The following RORB variants were observed in gnomAD, a reference collection of about 807,000 sequenced individuals.
RORB encodes RAR related orphan receptor B.
Under a neutral mutation model 59.1 loss-of-function variants are expected in RORB, and 6 were observed. The observed-to-expected ratio is 0.10, with a 90% CI of 0.06 to 0.20. The LOEUF is 0.20. Ranked by LOEUF, RORB falls within the 10% of genes least tolerant of loss-of-function variation. RORB has a pLI of 1.00. For synonymous variants in RORB, 215 were observed against 204.5 expected (o/e 1.05, Z -0.44); for missense variants, 320 against 560.5 (o/e 0.57, Z 4.33).
At chr9:74,537,370 A>AT (rs1023178816) in intron 1 of RORB, among the ~76,000 whole-genome samples, 15 of 151,778 alleles carry the variant, frequency 9.9e-5, no homozygotes, top group Non-Finnish European at 1.6e-4. Flanking sequence ...TAAACTTTTT[A>AT]TTTTTTTCTC....
intron 3 of RORB, among the ~76,000 whole-genome samples, 187 bp downstream of exon 3, chr9:74,634,959 T>G (rs2118434408): frequency 6.6e-6 from 1 of 152,214 alleles, no homozygotes; most frequent in Middle Eastern, 3.4e-3. Context: ...GCCTATGAAA[T>G]AAGAAAGCAA....
At chr9:74,558,608 T>C (rs907540038) in intron 1 of RORB, among the ~76,000 whole-genome samples, 14 of 152,246 alleles carry the variant, frequency 9.2e-5, no homozygotes, top group African/African-American at 3.1e-4. Flanking sequence ...TTTCAGAATT[T>C]CCAGTGTATT....
intron 4 of RORB, among the ~76,000 whole-genome samples, chr9:74,646,239 A>G (rs540899727): frequency 4.6e-5 from 7 of 152,254 alleles, no homozygotes; most frequent in Admixed American, 2.0e-4. Flanking sequence ...TATGCTTCTG[A>G]TATTGGGTCA....
At chr9:74,537,703 G>T (rs1826341375) in intron 1 of RORB, among the ~76,000 whole-genome samples, 3 of 151,954 alleles carry the variant, frequency 2.0e-5, no homozygotes, top group African/African-American at 7.2e-5. Context: ...ATAATAAAAA[G>T]ATGTATGTTA....
intron 1 of RORB, among the ~76,000 whole-genome samples, chr9:74,568,654 C>T (rs191865300): frequency 7.5e-5 from 11 of 147,230 alleles, no homozygotes; most frequent in Non-Finnish European, 1.6e-4. Context: ...GAGCCAAGGT[C>T]GCGCCATTGC....
At chr9:74,632,705 C>A (rs1201142866) in intron 2 of RORB, among the ~76,000 whole-genome samples, 1 of 152,140 alleles carries the variant, frequency 6.6e-6, no homozygotes, top group Non-Finnish European at 1.5e-5. Flanking sequence ...CCTGTCAACT[C>A]TTTTGCTAAG....
intron 1 of RORB, among the ~76,000 whole-genome samples, chr9:74,544,049 T>C (rs1020936059): frequency 1.3e-5 from 2 of 152,188 alleles, no homozygotes; most frequent in Non-Finnish European, 2.9e-5. Context: ...CCAGTGACTC[T>C]CTTTGGTGGA....
intron 1 of RORB, among the ~76,000 whole-genome samples, chr9:74,516,191 A>T (rs1003320447): frequency 6.6e-6 from 1 of 152,088 alleles, no homozygotes; most frequent in Admixed American, 6.6e-5. Flanking sequence ...TCGTAGGCTC[A>T]TTGTAAGAGT....
chr9:74,596,868 A>G (rs770502188), intron 1 of RORB, among the ~76,000 whole-genome samples: 1 of 152,234 alleles, frequency 6.6e-6, no homozygotes, highest in East Asian at 1.9e-4. Flanking sequence ...CAAATGGTCA[A>G]TGGTCATGTG....
At chr9:74,644,898 C>T (rs1823871121) in intron 4 of RORB, among the ~76,000 whole-genome samples, 1 of 152,168 alleles carries the variant, frequency 6.6e-6, no homozygotes, top group South Asian at 2.1e-4. Flanking sequence ...GTCTGCGTTA[C>T]CCTGAACAAG....
chr9:74,549,359 G>T (rs533672404), intron 1 of RORB, among the ~76,000 whole-genome samples: 6 of 150,872 alleles, frequency 4.0e-5, no homozygotes, highest in Non-Finnish European at 8.8e-5. Context: ...CAGGGGAATC[G>T]CTTGAACCCA....
chr9:74,596,148 C>T (rs1822968248), intron 1 of RORB, among the ~76,000 whole-genome samples: 1 of 152,062 alleles, frequency 6.6e-6, no homozygotes, highest in African/African-American at 2.4e-5. Flanking sequence ...CCTTGAAATC[C>T]AGTCATTTTC....
In RORB at chr9:74,497,622, G is replaced by C. The variant is rs1467361806; in HGVS notation, c.-355G>C. The C allele has an allele frequency of 1.8e-5, 6 of 334,152 alleles. No homozygotes were observed. Among genetic ancestry groups the C allele is most frequent in the Non-Finnish European group, 3.3e-5 (6 of 182,128 alleles). 20.7% of individuals were successfully genotyped at this position (334,152 alleles called of 1,614,324 possible). A position where few individuals can be genotyped will look rare whatever the true frequency, so the allele number is the denominator to read the frequency against. On this transcript the variant is annotated 5_prime_UTR_variant, in exon 1 of 10. Transcript: ENST00000376896. The stretch of plus-strand genomic sequence containing the variant: ...AAAAGAAATCTTCTGAGCCGGAGGC[G>C]GTGGCATTTTTTAAAAAGCAAGCAC...
Position 74,497,411 on chromosome 9 carries a change from G to C in RORB, c.-566G>C, listed in dbSNP as rs935048459. ...CAGTGAAAATTCACATTGTGGATCC[G>C]CTAACAGGCACAGATGTCATGTGAA... On this transcript the variant is annotated 5_prime_UTR_variant, in exon 1 of 10. Transcript: ENST00000376896. 1 of 153,544 alleles carries C rather than the reference G, an allele frequency of 6.5e-6. No individual in the cohort carries two copies. Among genetic ancestry groups the C allele is most frequent in the African/African-American group, 2.4e-5 (1 of 41,458 alleles). 9.5% of individuals were successfully genotyped at this position (153,544 alleles called of 1,614,324 possible).
At chr9:74,536,529 G>A (rs1196584949) in intron 1 of RORB, among the ~76,000 whole-genome samples, 1 of 151,848 alleles carries the variant, frequency 6.6e-6, no homozygotes, top group African/African-American at 2.4e-5. Flanking sequence ...TCAAATATTT[G>A]GTAAATTAAT....
intron 1 of RORB, among the ~76,000 whole-genome samples, chr9:74,559,171 C>T (rs763346445): frequency 5.3e-5 from 8 of 152,112 alleles, no homozygotes; most frequent in Middle Eastern, 3.2e-3. Flanking sequence ...ACTACTGTTT[C>T]GAAAAATCCA....
intron 1 of RORB, among the ~76,000 whole-genome samples, chr9:74,606,674 C>T (rs1823153990): frequency 6.6e-6 from 1 of 152,098 alleles, no homozygotes; most frequent in Admixed American, 6.6e-5. Flanking sequence ...CCTTAGAAGA[C>T]GTAAGATGAG....
At chr9:74,519,819 G>A (rs1826058076) in intron 1 of RORB, among the ~76,000 whole-genome samples, 1 of 151,944 alleles carries the variant, frequency 6.6e-6, no homozygotes, top group African/African-American at 2.4e-5. Context: ...CCAGAAATAG[G>A]AAAGTTACAT....
rs888296641 is a variant in RORB at position 74,686,762 on chromosome 9, G to A, written c.*1144G>A. On this transcript the variant is annotated 3_prime_UTR_variant, in exon 10 of 10. Transcript: ENST00000376896. The stretch of plus-strand genomic sequence containing the variant: ...GTAGAAAGAGAAGACCCAGAGTGAA[G>A]AAGTAATTCTTTATATTCCTTTCTT... 6.6e-6 allele frequency: 1 copy of A among 152,510 alleles called. No homozygotes were observed. Among genetic ancestry groups the A allele is most frequent in the Non-Finnish European group, 1.5e-5 (1 of 68,002 alleles). The allele number at this position is 152,510 out of a possible 1,614,324, so 9.4% of individuals were successfully genotyped here. A position where few individuals can be genotyped will look rare whatever the true frequency, so the allele number is the denominator to read the frequency against.
Sources: allele counts gnomAD v4.1 joint callset (sites outside exome capture counted in the v4.1 genomes callset), GRCh38; gene constraint gnomAD v4.1.1; transcripts MANE v1.5; gene names NCBI Gene and HGNC (gene_info 2026-07-23, HGNC 2026-07-21).